Variants in METTL25 observed in about 807,000 individuals in gnomAD.
The protein encoded by METTL25 is methyltransferase like 25, also known as probable methyltransferase-like protein 25.
In METTL25, 64 loss-of-function variants were observed where a neutral mutation model predicts 71.6. The ratio of observed to expected loss-of-function variants is 0.89; its 90% CI spans 0.73 to 1.10. METTL25 has a LOEUF of 1.10. METTL25 is among the 50% of genes least tolerant of loss of function. The pLI, the probability that METTL25 is intolerant of heterozygous loss-of-function variation, is 0.00. For missense variants in METTL25, 807 were observed against 707.0 expected, an observed-to-expected ratio of 1.14 and a Z score of -1.60; for synonymous variants, 287 against 250.3, an observed-to-expected ratio of 1.15 and a Z score of -1.38.
intron 8 of METTL25, among the ~76,000 whole-genome samples, chr12:82,455,576 T>C (rs73153559): frequency 6.6e-6 from 1 of 151,900 alleles, no homozygotes; most frequent in African/African-American, 2.4e-5. Flanking sequence ...AGACTTCAGT[T>C]CAACTAAGAT....
intron 7 of METTL25, among the ~76,000 whole-genome samples, chr12:82,436,112 G>A (rs1252471631): frequency 6.6e-6 from 1 of 151,138 alleles, no homozygotes; most frequent in East Asian, 1.9e-4. Flanking sequence ...GCATTCATGT[G>A]GTGTTTTTTT....
chr12:82,364,038 A>T (rs1882277017), intron 1 of METTL25, among the ~76,000 whole-genome samples: 1 of 152,248 alleles, frequency 6.6e-6, no homozygotes, highest in African/African-American at 2.4e-5. Context: ...GTACACACTT[A>T]CCGACACACA....
At position 82,403,325 on chromosome 12, in the gene METTL25, A is replaced by G. The variant is rs540425073; in HGVS notation, c.1279+195A>G. Among the ~76,000 whole-genome samples the G allele has an allele frequency of 1.0e-3, 158 of 152,246 alleles. 1 individual carries two copies. Among genetic ancestry groups the G allele is most frequent in the African/African-American group, 3.7e-3 (154 of 41,526 alleles). On this transcript the variant is annotated intron_variant, in intron 5 of 11. Coordinates refer to ENST00000248306, the MANE Select transcript of METTL25 (RefSeq NM_032230.3). ...ATGCATCACCACCTGTATATTTGTTATAGTTTCTTTGGTCATAAAATGGGC... is the reference window on the plus strand; with the variant it reads ...ATGCATCACCACCTGTATATTTGTTGTAGTTTCTTTGGTCATAAAATGGGC...
intron 1 of METTL25, among the ~76,000 whole-genome samples, chr12:82,364,188 C>T (rs971908756): frequency 6.6e-6 from 1 of 152,288 alleles, no homozygotes. Context: ...AGGTCACAGT[C>T]AAGAAGTTGG....
intron 1 of METTL25, among the ~76,000 whole-genome samples, chr12:82,366,857 T>A (rs1259538719): frequency 2.0e-5 from 3 of 152,206 alleles, no homozygotes; most frequent in Non-Finnish European, 4.4e-5. Context: ...TTCTGAGTCA[T>A]TTTAGATTTC....
chr12:82,418,607 A>G (rs1888191060), intron 5 of METTL25, among the ~76,000 whole-genome samples: 1 of 152,162 alleles, frequency 6.6e-6, no homozygotes, highest in African/African-American at 2.4e-5. Context: ...GTATAATACC[A>G]TAAACCTTGA....
intron 1 of METTL25, among the ~76,000 whole-genome samples, chr12:82,383,287 G>T (rs540237374): frequency 5.3e-5 from 8 of 151,616 alleles, no homozygotes; most frequent in Non-Finnish European, 1.0e-4. Context: ...TGATTCTCCT[G>T]TCTCAGCCTC....
intron 3 of METTL25, among the ~76,000 whole-genome samples, chr12:82,395,111 A>G (rs1885953870): frequency 6.6e-6 from 1 of 151,722 alleles, no homozygotes; most frequent in Non-Finnish European, 1.5e-5. Flanking sequence ...CATTCTTTCT[A>G]CTCTGTTAGG....
At chr12:82,443,918 T>C (rs1299213000) in intron 8 of METTL25, among the ~76,000 whole-genome samples, 3 of 152,056 alleles carry the variant, frequency 2.0e-5, no homozygotes, top group African/African-American at 4.8e-5. Flanking sequence ...ACCTCCAACA[T>C]TGGGGATCAA....
chr12:82,421,051 G>A (rs4354758), intron 5 of METTL25, among the ~76,000 whole-genome samples: 139,997 of 152,202 alleles, frequency 0.92, 64,754 homozygotes, highest in East Asian at 1. Flanking sequence ...TAGTACAGAC[G>A]GGGTTTCGCC....
intron 5 of METTL25, among the ~76,000 whole-genome samples, chr12:82,427,181 C>T (rs539569877): frequency 1.3e-4 from 19 of 151,956 alleles, no homozygotes; most frequent in Admixed American, 9.2e-4. Flanking sequence ...TAATGAAGCA[C>T]ACTACCCATA....
chr12:82,461,594 C>G (rs888969843), intron 9 of METTL25, among the ~76,000 whole-genome samples: 4 of 151,694 alleles, frequency 2.6e-5, no homozygotes, highest in African/African-American at 9.7e-5. Context: ...AACTAGCAAT[C>G]ATCAGGCAAA....
At chr12:82,415,872 T>A (rs1887940703) in intron 5 of METTL25, among the ~76,000 whole-genome samples, 1 of 152,114 alleles carries the variant, frequency 6.6e-6, no homozygotes, top group Admixed American at 6.6e-5. Flanking sequence ...CATGGCTCAG[T>A]CAAGTTGACA....
rs1229409933 is a variant in METTL25 at position 82,358,946 on chromosome 12, CTG to C, written c.259+123_259+124del. 12 of 1,173,460 alleles carry C rather than the reference CTG, an allele frequency of 1.0e-5. No individual in the cohort carries two copies. In the South Asian group the frequency reaches 1.6e-4, roughly 15 times the overall value. The allele number at this position is 1,173,460 out of a possible 1,614,324, so 72.7% of individuals were successfully genotyped here. ...GTGGCGGCGGAGGCGGGGCGGCCCG[CTG>C]GGAAACCGAGGAGGGGTCGGATTAG... On this transcript the variant is annotated intron_variant, in intron 1 of 11. Transcript: ENST00000248306.
rs1049696823 is a variant in METTL25, at chr12:82,429,908, G to A, written c.1280-985G>A. The stretch of plus-strand genomic sequence containing the variant: ...ATTTAATACCTGAACATCTGGATAG[G>A]CTATGATTGTAACATCTTTCTTAGG... On this transcript the variant is annotated intron_variant, in intron 5 of 11. Coordinates refer to ENST00000248306, the MANE Select transcript of METTL25 (RefSeq NM_032230.3). Among the ~76,000 whole-genome samples, 10 of 151,306 alleles carry A rather than the reference G, an allele frequency of 6.6e-5. No individual in the cohort carries two copies. The East Asian group carries it at 1.9e-3, about 29-fold the overall frequency.
intron 1 of METTL25, among the ~76,000 whole-genome samples, chr12:82,380,582 A>T (rs749158162): frequency 7.9e-5 from 12 of 152,308 alleles, no homozygotes; most frequent in Admixed American, 1.3e-4. Flanking sequence ...TAGATGAAGA[A>T]ATTGAGTCTT....
chr12:82,376,805 C>G (rs1347021277), intron 1 of METTL25, among the ~76,000 whole-genome samples: 1 of 151,980 alleles, frequency 6.6e-6, no homozygotes, highest in Non-Finnish European at 1.5e-5. Flanking sequence ...TTTTCATCTT[C>G]TTTGCAAACT....
chr12:82,418,904 A>C (rs930070995), intron 5 of METTL25, among the ~76,000 whole-genome samples: 8 of 152,176 alleles, frequency 5.3e-5, no homozygotes, highest in African/African-American at 1.4e-4. Context: ...GCCTGTCTAT[A>C]AACACTAATT....
intron 7 of METTL25, 89 bp downstream of exon 7, chr12:82,434,813 G>C: frequency 9.6e-7 from 1 of 1,042,304 alleles, no homozygotes; most frequent in South Asian, 1.3e-5. Flanking sequence ...AAACCTAATG[G>C]AATTTAATAA....
Sources: allele counts gnomAD v4.1 joint callset (sites outside exome capture counted in the v4.1 genomes callset), GRCh38; gene constraint gnomAD v4.1.1; transcripts MANE v1.5; gene names NCBI Gene and HGNC (gene_info 2026-07-23, HGNC 2026-07-21).